Variants in TTC28 observed in about 807,000 individuals in gnomAD.
TTC28 encodes the protein tetratricopeptide repeat protein 28.
A neutral mutation model predicts 198.0 loss-of-function variants in TTC28; 61 were observed. That is an observed-to-expected ratio of 0.31 (90% CI 0.25 to 0.38). The LOEUF is 0.38. Ranked by LOEUF, TTC28 falls within the 10% of genes least tolerant of loss-of-function variation. TTC28 has a pLI of 1.00. For missense variants in TTC28, 2,678 were observed against 3,164.0 expected (o/e 0.85, Z 3.69); for synonymous variants, 1,171 against 1,297.8 (o/e 0.90, Z 2.10).
At chr22:28,615,423 G>A (rs985195762) in intron 2 of TTC28, among the ~76,000 whole-genome samples, 20 of 152,102 alleles carry the variant, frequency 1.3e-4, no homozygotes, top group Non-Finnish European at 2.2e-4. Context: ...TAGAAATACC[G>A]TTTGACCCAG....
intron 1 of TTC28, among the ~76,000 whole-genome samples, chr22:28,672,286 G>A (rs1385870054): frequency 2.0e-5 from 3 of 152,018 alleles, no homozygotes; most frequent in Non-Finnish European, 4.4e-5. Flanking sequence ...CTCTGCCTCA[G>A]CCTCTGGAGT....
intron 2 of TTC28, among the ~76,000 whole-genome samples, chr22:28,439,595 C>G (rs2047583416): frequency 6.6e-6 from 1 of 152,172 alleles, no homozygotes. Flanking sequence ...CCCTCTAAAC[C>G]TCAGTTTGCT....
In TTC28 at chr22:28,101,266, C is replaced by A; in HGVS notation, c.3322G>T (p.Glu1108Ter). The A allele has an allele frequency of 6.4e-7, 1 of 1,551,646 alleles. No homozygotes were observed. Among genetic ancestry groups the A allele is most frequent in the South Asian group, 1.2e-5 (1 of 83,858 alleles). ...MYLQEGLRLAEQLGRREDEAK... is the reference protein window; with the variant it reads ...MYLQEGLRLA ...TCATCTTCTCTTCGGCCCAGTTGCT[C>A]AGCTAACCTTAAACCTGAAACCAGA... Residue 1108 changes from glutamate (E) to a stop codon, truncating the protein, a stop_gained, in exon 9 of 23, where the codon GAG becomes TAG. Transcript: ENST00000397906. LOFTEE classifies it high-confidence loss of function.
intron 5 of TTC28, among the ~76,000 whole-genome samples, chr22:28,293,531 A>G (rs542874969): frequency 6.6e-6 from 1 of 152,248 alleles, no homozygotes; most frequent in South Asian, 2.1e-4. Context: ...TGTAGGATAA[A>G]TAAGTTCTAG....
intron 2 of TTC28, among the ~76,000 whole-genome samples, chr22:28,617,702 C>CTA (rs1009430538): frequency 6.6e-6 from 1 of 152,104 alleles, no homozygotes; most frequent in African/African-American, 2.4e-5. Flanking sequence ...TTTAATAGAG[C>CTA]TATACAATTG....
chr22:28,249,220 C>T (rs1221781135), intron 5 of TTC28, among the ~76,000 whole-genome samples: 2 of 152,062 alleles, frequency 1.3e-5, no homozygotes, highest in African/African-American at 4.8e-5. Flanking sequence ...GACCTTGAGT[C>T]TTCTTATTTG....
chr22:28,541,721 A>G lies in TTC28; in HGVS notation c.381+87831T>C, dbSNP rs116838539. On this transcript the variant is annotated intron_variant, in intron 2 of 22. Transcript: ENST00000397906. ...CAAGTGTTTTTAAATATATATATAT[A>G]TAGAAGAAAGAAGACATAAGAAAGA... 2.0e-3 allele frequency among the ~76,000 whole-genome samples: 311 copies of G among 152,094 alleles called. 1 individual carries two copies. The highest frequency in any genetic ancestry group is 7.2e-3 in the African/African-American group (298 of 41,568).
intron 2 of TTC28, among the ~76,000 whole-genome samples, chr22:28,475,930 G>A (rs999015691): frequency 1.1e-4 from 16 of 151,978 alleles, no homozygotes; most frequent in Non-Finnish European, 1.5e-4. Context: ...TACAATAATT[G>A]CAAAAATTTC....
chr22:28,332,953 T>C (rs1474960252), intron 2 of TTC28, among the ~76,000 whole-genome samples: 8 of 152,214 alleles, frequency 5.3e-5, no homozygotes, highest in African/African-American at 1.9e-4. Context: ...TTATGAACTA[T>C]AGATGGTTTT....
chr22:28,673,409 C>A (rs1359045638), intron 1 of TTC28, among the ~76,000 whole-genome samples: 1 of 152,106 alleles, frequency 6.6e-6, no homozygotes, highest in Non-Finnish European at 1.5e-5. Context: ...TAAGAGAATG[C>A]ATTATTATTG....
At chr22:28,478,283 G>A (rs532306642) in intron 2 of TTC28, among the ~76,000 whole-genome samples, 135 of 152,210 alleles carry the variant, frequency 8.9e-4, no homozygotes, top group Middle Eastern at 3.4e-3. Flanking sequence ...CGAGGCAAGC[G>A]GATCACCTGA....
At chr22:28,304,297 A>AT (rs2045091487) in intron 3 of TTC28, among the ~76,000 whole-genome samples, 1 of 152,018 alleles carries the variant, frequency 6.6e-6, no homozygotes. Flanking sequence ...AAAAAAAAAA[A>AT]AGTAGGCAGC....
intron 2 of TTC28, among the ~76,000 whole-genome samples, chr22:28,620,435 T>C (rs759368741): frequency 6.6e-6 from 1 of 152,068 alleles, no homozygotes; most frequent in Non-Finnish European, 1.5e-5. Context: ...ACTGAAAAAT[T>C]AAAGTTGAGC....
intron 2 of TTC28, among the ~76,000 whole-genome samples, chr22:28,385,477 T>C (rs1214205898): frequency 6.6e-6 from 1 of 151,720 alleles, no homozygotes; most frequent in African/African-American, 2.4e-5. Context: ...TAGTTTTAGG[T>C]TCACAGCAAG....
At chr22:28,075,376 G>C (rs534454006) in intron 12 of TTC28, among the ~76,000 whole-genome samples, 1 of 152,164 alleles carries the variant, frequency 6.6e-6, no homozygotes. Context: ...CCCTAATGTG[G>C]CATCAACTTT....
At chr22:28,537,331 A>ATAACATAACATAACATAACAT (rs2049312990) in intron 2 of TTC28, among the ~76,000 whole-genome samples, 3 of 132,702 alleles carry the variant, frequency 2.3e-5, no homozygotes, top group Non-Finnish European at 3.5e-5. Flanking sequence ...AATAAAATAA[A>ATAACATAACATAACATAACAT]ATAAAATAAA....
At chr22:28,149,136 C>G (rs1473067732) in intron 6 of TTC28, among the ~76,000 whole-genome samples, 1 of 152,124 alleles carries the variant, frequency 6.6e-6, no homozygotes, top group Non-Finnish European at 1.5e-5. Flanking sequence ...GCCTATTGTT[C>G]CTAGGCTACA....
chr22:28,540,092 C>T (rs1403268381), intron 2 of TTC28, among the ~76,000 whole-genome samples: 3 of 151,834 alleles, frequency 2.0e-5, no homozygotes, highest in Non-Finnish European at 2.9e-5. Context: ...TAAAGGCACC[C>T]GCCACCACGC....
At chr22:28,280,770 T>C (rs1453426253) in intron 5 of TTC28, among the ~76,000 whole-genome samples, 2 of 152,220 alleles carry the variant, frequency 1.3e-5, no homozygotes, top group East Asian at 1.9e-4. Context: ...GCATTTCTTA[T>C]AGCGCAGGTC....
Sources: allele counts gnomAD v4.1 joint callset (sites outside exome capture counted in the v4.1 genomes callset), GRCh38; gene constraint gnomAD v4.1.1; transcripts MANE v1.5; gene names NCBI Gene and HGNC (gene_info 2026-07-23, HGNC 2026-07-21).